The following CDCA2 variants were observed in gnomAD, a reference collection of about 807,000 sequenced individuals.
The protein encoded by CDCA2 is cell division cycle-associated protein 2.
Under a neutral mutation model 67.0 loss-of-function variants are expected in CDCA2, and 44 were observed. That is an observed-to-expected ratio of 0.66 (90% CI 0.52 to 0.84). The LOEUF (loss-of-function observed/expected upper bound fraction) is 0.84. Ranked by LOEUF, CDCA2 falls within the 40% of genes least tolerant of loss-of-function variation. CDCA2 has a pLI of 0.00. For missense variants in CDCA2, 1,253 were observed against 1,203.2 expected (o/e 1.04, Z -0.61); for synonymous variants, 447 against 418.7 (o/e 1.07, Z -0.82).
Position 25,507,629 on chromosome 8 carries a change from C to G in CDCA2, c.2963C>G (p.Ala988Gly), listed in dbSNP as rs762876639. The G allele has an allele frequency of 1.2e-6, 2 of 1,614,172 alleles. No homozygotes were observed. Among genetic ancestry groups the G allele is most frequent in the Non-Finnish European group, 8.5e-7 (1 of 1,180,032 alleles). The change falls in exon 15 of 15, where the codon GCC becomes GGC. Residue 988 changes from alanine to glycine, a missense_variant. Coordinates refer to ENST00000330560, the MANE Select transcript of CDCA2 (RefSeq NM_152562.4). ...ATATCTACACTTGCAAATACTAAAG[C>G]CACTTCCCAGTTCAAAGGCTACCGG... ...FCISTLANTKATSQFKGYRRR... is the reference protein window; with the variant it reads ...FCISTLANTKGTSQFKGYRRR...
At chr8:25,505,585 C>T (rs943802514) in intron 14 of CDCA2, among the ~76,000 whole-genome samples, 5 of 152,104 alleles carry the variant, frequency 3.3e-5, no homozygotes, top group African/African-American at 1.2e-4. Context: ...TAATCTCTAG[C>T]TTTAAGTGAC....
At chr8:25,494,123 GC>G (rs1804115084) in intron 13 of CDCA2, among the ~76,000 whole-genome samples, 1 of 152,048 alleles carries the variant, frequency 6.6e-6, no homozygotes, top group South Asian at 2.1e-4. Flanking sequence ...GACACAGATG[GC>G]CCTCTATATA....
intron 13 of CDCA2, among the ~76,000 whole-genome samples, chr8:25,499,374 G>A (rs1804381134): frequency 1.5e-5 from 2 of 136,936 alleles, no homozygotes; most frequent in South Asian, 4.7e-4. Flanking sequence ...CTCGATCTCA[G>A]CTCACTGCAG....
intron 7 of CDCA2, among the ~76,000 whole-genome samples, chr8:25,473,067 T>C (rs1563265540): frequency 2.6e-5 from 4 of 152,224 alleles, no homozygotes; most frequent in Admixed American, 1.3e-4. Flanking sequence ...TTCAATAAAT[T>C]CAACTTTGTT....
intron 12 of CDCA2, 58 bp from the exon 13 acceptor site, chr8:25,488,494 C>A: frequency 1.4e-6 from 2 of 1,468,954 alleles, no homozygotes; most frequent in South Asian, 2.9e-5. Flanking sequence ...GTGAGAGCAG[C>A]ACATTAACAT....
intron 7 of CDCA2, among the ~76,000 whole-genome samples, chr8:25,476,366 G>C (rs183066323): frequency 6.6e-6 from 1 of 152,132 alleles, no homozygotes; most frequent in Non-Finnish European, 1.5e-5. Context: ...TGAGTGATCT[G>C]AGAGAAAGTT....
intron 7 of CDCA2, among the ~76,000 whole-genome samples, chr8:25,471,287 C>G (rs1803143382): frequency 6.6e-6 from 1 of 152,092 alleles, no homozygotes; most frequent in Non-Finnish European, 1.5e-5. Context: ...CTGCATGGTC[C>G]CCCTGCACAG....
chr8:25,499,067 G>A (rs1804363445), intron 13 of CDCA2, among the ~76,000 whole-genome samples: 2 of 152,130 alleles, frequency 1.3e-5, no homozygotes, highest in African/African-American at 4.8e-5. Flanking sequence ...GCTAGTAATT[G>A]TTGAAGTAGC....
At chr8:25,481,997 A>T (rs1803589845) in intron 8 of CDCA2, among the ~76,000 whole-genome samples, 1 of 152,216 alleles carries the variant, frequency 6.6e-6, no homozygotes, top group Non-Finnish European at 1.5e-5. Flanking sequence ...GGAATTCTTG[A>T]TAACAAGGAC....
chr8:25,461,579 T>C (rs1330006710), intron 3 of CDCA2, among the ~76,000 whole-genome samples: 1 of 152,214 alleles, frequency 6.6e-6, no homozygotes, highest in Non-Finnish European at 1.5e-5. Context: ...CTTAGGCATA[T>C]GTCCAAAATT....
Position 25,484,176 on chromosome 8 carries a change from C to G in CDCA2, c.1331C>G (p.Pro444Arg), listed in dbSNP as rs1212525122. 2 of 1,614,164 alleles carry G rather than the reference C, an allele frequency of 1.2e-6. No individual in the cohort carries two copies. Among genetic ancestry groups the G allele is most frequent in the Admixed American group, 1.7e-5 (1 of 60,028 alleles). Reference sequence around the variant, plus strand: ...CAGTCACCTGTTCCTGAGCCATTACCTCAACCAGATTTTGATGACAAGGGG... The same window carrying G: ...CAGTCACCTGTTCCTGAGCCATTACGTCAACCAGATTTTGATGACAAGGGG... ...LEQSPVPEPLPQPDFDDKGEN... is the reference protein window; with the variant it reads ...LEQSPVPEPLRQPDFDDKGEN... The change falls in exon 10 of 15, where the codon CCT becomes CGT. Residue 444 changes from proline (P) to arginine (R), a missense_variant. Transcript: ENST00000330560.
rs144296313 is a variant in CDCA2, at chr8:25,487,516, C to T, written c.1533+182C>T. On this transcript the variant is annotated intron_variant, in intron 12 of 14. Coordinates refer to ENST00000330560, the MANE Select transcript of CDCA2 (RefSeq NM_152562.4). Reference sequence around the variant, plus strand: ...CAATGCTTTGGGAGGCCGAGGCAGGCGGATCATGAGGTCAGGAGATTGAGA... The same window carrying T: ...CAATGCTTTGGGAGGCCGAGGCAGGTGGATCATGAGGTCAGGAGATTGAGA... Among the ~76,000 whole-genome samples, 282 of 152,154 alleles carry T rather than the reference C, an allele frequency of 1.9e-3. 5 individuals are homozygous for T. In the East Asian group the frequency reaches 0.029, roughly 15 times the overall value.
At chr8:25,460,118 G>C in intron 1 of CDCA2, 122 bp from the exon 2 acceptor site, 5 of 886,062 alleles carry the variant, frequency 5.6e-6, no homozygotes, top group Non-Finnish European at 9.2e-6. Flanking sequence ...AATGAAACCT[G>C]TGACGTGTGT....
At position 25,506,937 on chromosome 8, in the gene CDCA2, A is replaced by C; in HGVS notation, c.2271A>C (p.Pro757=). The C allele has an allele frequency of 1.2e-6, 2 of 1,612,124 alleles. No individual in the cohort carries two copies. The highest frequency in any genetic ancestry group is 2.7e-5 in the African/African-American group (2 of 74,966). ...ENLCQFFKIS[P]DLNIKCERKD... ...TTTGTCAGTTCTTTAAAATTTCACC[A>C]GATTTAAACATAAAGTGTGAAAGAA... The change falls in exon 15 of 15, where the codon CCA becomes CCC. Residue 757 remains proline (P), a synonymous_variant. Transcript: ENST00000330560.
chr8:25,491,774 G>A (rs915965187), intron 13 of CDCA2, among the ~76,000 whole-genome samples: 2 of 151,810 alleles, frequency 1.3e-5, no homozygotes, highest in Admixed American at 1.3e-4. Context: ...ACGCCACCAC[G>A]CTTGGCTAGT....
In CDCA2 at chr8:25,481,148, A is replaced by G. The variant is rs75284497; in HGVS notation, c.1032+1024A>G. Among the ~76,000 whole-genome samples the G allele has an allele frequency of 6.1e-3, 930 of 151,958 alleles. 5 individuals are homozygous for G. The highest frequency in any genetic ancestry group is 0.021 in the African/African-American group (859 of 41,438). On this transcript the variant is annotated intron_variant, in intron 8 of 14. Transcript: ENST00000330560. ...AAAGAGCTGATTTGGGGCCAGGTAC[A>G]ATAGCTCACACCTGTAATCCCCTGA...
chr8:25,491,075 G>C (rs1803983018), intron 13 of CDCA2, among the ~76,000 whole-genome samples: 1 of 152,098 alleles, frequency 6.6e-6, no homozygotes, highest in Non-Finnish European at 1.5e-5. Flanking sequence ...ATAAAAGTAA[G>C]GAGATACTAT....
chr8:25,480,759 C>T (rs1439119934), intron 8 of CDCA2, among the ~76,000 whole-genome samples: 1 of 152,164 alleles, frequency 6.6e-6, no homozygotes, highest in Non-Finnish European at 1.5e-5. Flanking sequence ...GCTGTCAGTC[C>T]ATGAGAGGTT....
intron 4 of CDCA2, among the ~76,000 whole-genome samples, chr8:25,465,637 C>A (rs1802868789): frequency 6.6e-6 from 1 of 151,796 alleles, no homozygotes; most frequent in Non-Finnish European, 1.5e-5. Context: ...CCTCCAGGTC[C>A]CATACAATCA....
Sources: allele counts gnomAD v4.1 joint callset (sites outside exome capture counted in the v4.1 genomes callset), GRCh38; gene constraint gnomAD v4.1.1; transcripts MANE v1.5; gene names NCBI Gene and HGNC (gene_info 2026-07-23, HGNC 2026-07-21).